The following MEF2C variants were observed in gnomAD, a reference collection of about 807,000 sequenced individuals.
MEF2C encodes myocyte enhancer factor 2C.
Under a neutral mutation model 50.5 loss-of-function variants are expected in MEF2C, and 6 were observed. That is an observed-to-expected ratio of 0.12 (90% CI 0.07 to 0.23). MEF2C has a LOEUF of 0.23. MEF2C is among the 10% of genes least tolerant of loss of function. The probability of loss-of-function intolerance (pLI) is 1.00; values close to 1 mark genes in which losing one functional copy is unlikely to be tolerated. For missense variants in MEF2C, 276 were observed against 605.0 expected (o/e 0.46, Z 5.70); for synonymous variants, 183 against 228.0 (o/e 0.80, Z 1.78).
At chr5:88,869,262 T>TATATATATACAC (rs1828467255) in intron 1 of MEF2C, among the ~76,000 whole-genome samples, 4 of 72,980 alleles carry the variant, frequency 5.5e-5, no homozygotes, top group Non-Finnish European at 7.4e-5. Context: ...CATATATATA[T>TATATATATACAC]ATATATATAT....
intron 1 of MEF2C, among the ~76,000 whole-genome samples, chr5:88,869,268 T>TATATATAC (rs1828507629): frequency 1.6e-5 from 1 of 62,450 alleles, no homozygotes; most frequent in Non-Finnish European, 2.9e-5. Context: ...TATATATATA[T>TATATATAC]ATATATATAC....
intron 6 of MEF2C, chr5:88,742,829 A>G: frequency 1.0e-6 from 1 of 984,734 alleles, no homozygotes; most frequent in South Asian, 4.7e-5. Context: ...GAAAGTGAAC[A>G]CTGATTTTCT....
At chr5:88,757,680 C>T (rs955247835) in intron 4 of MEF2C, among the ~76,000 whole-genome samples, 2 of 152,164 alleles carry the variant, frequency 1.3e-5, no homozygotes, top group African/African-American at 4.8e-5. Context: ...CTTTGGGAGG[C>T]CGAGACGGGC....
chr5:88,827,831 T>TA (rs1811514340), intron 1 of MEF2C, among the ~76,000 whole-genome samples: 2 of 147,770 alleles, frequency 1.4e-5, no homozygotes, highest in Admixed American at 6.8e-5. Context: ...AACTTTTGGT[T>TA]AAAAAAAAGA....
upstream of MEF2C, chr5:88,888,041 T>C (rs1436977973): frequency 6.6e-6 from 1 of 152,230 alleles, no homozygotes; most frequent in Non-Finnish European, 1.5e-5. Context: ...AATCGGGAAA[T>C]GTTTGCAATG....
intron 4 of MEF2C, among the ~76,000 whole-genome samples, chr5:88,757,664 C>T (rs1197823481): frequency 6.6e-6 from 1 of 152,174 alleles, no homozygotes. Flanking sequence ...ACCTGTGATA[C>T]CAGCACTTTG....
intron 1 of MEF2C, chr5:88,825,544 G>C (rs1018345677): frequency 5.6e-5 from 55 of 980,718 alleles, no homozygotes; most frequent in Non-Finnish European, 6.5e-5. Flanking sequence ...ACACACATTT[G>C]ACAAATACAT....
Position 88,719,136 on chromosome 5 carries a change from G to C in MEF2C, c.*3468C>G, listed in dbSNP as rs1755446357. 6.6e-6 allele frequency: 1 copy of C among 152,106 alleles called. No individual in the cohort carries two copies. Among genetic ancestry groups the C allele is most frequent in the South Asian group, 2.1e-4 (1 of 4,830 alleles). The allele number at this position is 152,106 out of a possible 1,614,324, so 9.4% of individuals were successfully genotyped here. The stretch of plus-strand genomic sequence containing the variant: ...AATGCTATCTCTAAGTTAAAAGATG[G>C]GTATGTAAGAAAAACAAATCCATAA... On this transcript the variant is annotated 3_prime_UTR_variant, in exon 11 of 11. Coordinates refer to ENST00000504921, the MANE Select transcript of MEF2C (RefSeq NM_002397.5).
chr5:88,721,764 T>C lies in MEF2C; in HGVS notation c.*840A>G, dbSNP rs1483500196. Reference sequence around the variant, plus strand: ...TCATGGCTTAGGGTAGTGCTTTCTATACAAAAAGTCCTTTTTGGTTTTTTA... The same window carrying C: ...TCATGGCTTAGGGTAGTGCTTTCTACACAAAAAGTCCTTTTTGGTTTTTTA... On this transcript the variant is annotated 3_prime_UTR_variant, in exon 11 of 11. Transcript: ENST00000504921. The C allele has an allele frequency of 6.6e-6, 1 of 152,572 alleles. No individual in the cohort carries two copies. The highest frequency in any genetic ancestry group is 1.9e-4 in the East Asian group (1 of 5,204). 9.5% of individuals were successfully genotyped at this position (152,572 alleles called of 1,614,324 possible). A position where few individuals can be genotyped will look rare whatever the true frequency, so the allele number is the denominator to read the frequency against.
chr5:88,739,749 A>T (rs1581545645), intron 6 of MEF2C: 2 of 984,776 alleles, frequency 2.0e-6, no homozygotes, highest in East Asian at 1.1e-4. Context: ...TTTTTGAGAA[A>T]AAAAGATATT....
At chr5:88,826,214 G>C (rs2153225123) in intron 1 of MEF2C, among the ~76,000 whole-genome samples, 1 of 152,076 alleles carries the variant, frequency 6.6e-6, no homozygotes, top group African/African-American at 2.4e-5. Flanking sequence ...TTGCCAAAGA[G>C]AATGTGTGTA....
intron 10 of MEF2C, among the ~76,000 whole-genome samples, chr5:88,726,983 GA>G (rs922913026): frequency 2.0e-5 from 3 of 151,904 alleles, no homozygotes; most frequent in Non-Finnish European, 4.4e-5. Flanking sequence ...TGAATTTTGT[GA>G]AAAAAATGGG....
At chr5:88,847,169 C>A (rs1035409608) in intron 1 of MEF2C, among the ~76,000 whole-genome samples, 2 of 152,130 alleles carry the variant, frequency 1.3e-5, no homozygotes, top group Non-Finnish European at 2.9e-5. Flanking sequence ...AGAGTGTAGA[C>A]ATATTGGCTT....
intron 3 of MEF2C, among the ~76,000 whole-genome samples, chr5:88,782,954 T>G (rs1788888854): frequency 6.6e-6 from 1 of 152,236 alleles, no homozygotes. Context: ...ATGTGAATAT[T>G]CTCTTCATAT....
At chr5:88,808,669 AT>A (rs1408515278) in intron 2 of MEF2C, among the ~76,000 whole-genome samples, 1 of 152,138 alleles carries the variant, frequency 6.6e-6, no homozygotes, top group Non-Finnish European at 1.5e-5. Flanking sequence ...TTATGTTCAT[AT>A]TCTTCATAGC....
intron 6 of MEF2C, chr5:88,736,842 A>C (rs1190765633): frequency 1.0e-6 from 1 of 985,242 alleles, no homozygotes; most frequent in Admixed American, 6.2e-5. Flanking sequence ...TGGTCCTCGG[A>C]ATATATGCAA....
intron 1 of MEF2C, among the ~76,000 whole-genome samples, chr5:88,835,255 A>G (rs1814616714): frequency 6.6e-6 from 1 of 152,248 alleles, no homozygotes; most frequent in African/African-American, 2.4e-5. Flanking sequence ...TTACAACCGT[A>G]CTAATGTAAC....
intron 3 of MEF2C, among the ~76,000 whole-genome samples, chr5:88,773,747 T>A (rs1411050848): frequency 6.6e-6 from 1 of 152,204 alleles, no homozygotes; most frequent in African/African-American, 2.4e-5. Flanking sequence ...AATCCAAATG[T>A]TCCCCCTTGA....
intron 3 of MEF2C, among the ~76,000 whole-genome samples, chr5:88,801,855 C>T (rs577188732): frequency 2.0e-5 from 3 of 152,236 alleles, no homozygotes; most frequent in East Asian, 1.9e-4. Flanking sequence ...CTCAAGTATC[C>T]TAATTTCAGT....
Sources: allele counts gnomAD v4.1 joint callset (sites outside exome capture counted in the v4.1 genomes callset), GRCh38; gene constraint gnomAD v4.1.1; transcripts MANE v1.5; gene names NCBI Gene and HGNC (gene_info 2026-07-23, HGNC 2026-07-21).